XXYLT1: variants seen among roughly 807,000 people sequenced by gnomAD.
XXYLT1 encodes xyloside xylosyltransferase 1.
In XXYLT1, 20 loss-of-function variants were observed where a neutral mutation model predicts 28.9. That is an observed-to-expected ratio of 0.69 (90% confidence interval 0.49 to 1.00). XXYLT1 has a LOEUF of 1.00. Among genes scored for constraint, XXYLT1 ranks in the 50% least tolerant of loss-of-function variants. XXYLT1 has a pLI of 0.00. For synonymous variants in XXYLT1, 257 were observed against 253.8 expected (o/e 1.01, Z -0.12); for missense variants, 542 against 560.1 (o/e 0.97, Z 0.33).
At chr3:195,230,156 T>C (rs1398114872) in intron 1 of XXYLT1, among the ~76,000 whole-genome samples, 1 of 152,222 alleles carries the variant, frequency 6.6e-6, no homozygotes, top group Admixed American at 6.5e-5. Flanking sequence ...CCTTTTCATA[T>C]ACATGTTTGC....
intron 2 of XXYLT1, among the ~76,000 whole-genome samples, chr3:195,190,543 A>G (rs1357231746): frequency 2.0e-5 from 3 of 151,644 alleles, no homozygotes; most frequent in Admixed American, 2.0e-4. Context: ...TTCAGGCTGA[A>G]AGGAAATGAT....
intron 3 of XXYLT1, among the ~76,000 whole-genome samples, chr3:195,083,128 C>T (rs2108649998): frequency 6.6e-6 from 1 of 152,322 alleles, no homozygotes; most frequent in East Asian, 1.9e-4. Flanking sequence ...TCCTGAGTCA[C>T]TATATTCCTT....
At chr3:195,249,896 TCCA>T (rs1725185395) in intron 1 of XXYLT1, among the ~76,000 whole-genome samples, 1 of 152,034 alleles carries the variant, frequency 6.6e-6, no homozygotes, top group Admixed American at 6.6e-5. Flanking sequence ...CCAGAATCCC[TCCA>T]CCACCCACCA....
intron 3 of XXYLT1, among the ~76,000 whole-genome samples, chr3:195,154,463 A>C (rs1720451634): frequency 6.6e-6 from 1 of 152,142 alleles, no homozygotes; most frequent in Admixed American, 6.5e-5. Flanking sequence ...AGAGGAATGA[A>C]GATTAAGGGA....
intron 2 of XXYLT1, among the ~76,000 whole-genome samples, chr3:195,185,325 G>T (rs183690441): frequency 6.6e-6 from 1 of 152,214 alleles, no homozygotes; most frequent in East Asian, 1.9e-4. Context: ...GTGGTCATCT[G>T]ATTGCTGGAA....
chr3:195,263,199 T>C (rs1351533519), intron 1 of XXYLT1, among the ~76,000 whole-genome samples: 1 of 152,230 alleles, frequency 6.6e-6, no homozygotes, highest in Non-Finnish European at 1.5e-5. Flanking sequence ...GCTCTTGCAC[T>C]CAAAGAAACT....
At position 195,270,852 on chromosome 3, in the gene XXYLT1, G is replaced by C; in HGVS notation, c.207C>G (p.Pro69=). The change falls in exon 1 of 4, where the codon CCC becomes CCG. Residue 69 remains proline, a synonymous_variant. Transcript: ENST00000310380. ...CGGAGCCCCGCGCTAGCTCCAGCGC[G>C]GGCGGCGAGGGCGCGGCGGGAGCCC... ...RAGAPAAPSP[P]ALELARGSVA... is the part of the protein sequence containing the mutation. The C allele has an allele frequency of 1.4e-6, 2 of 1,410,526 alleles. No individual in the cohort carries two copies. The highest frequency in any genetic ancestry group is 9.2e-7 in the Non-Finnish European group (1 of 1,087,118). 87.4% of individuals were successfully genotyped at this position (1,410,526 alleles called of 1,614,324 possible). A position where few individuals can be genotyped will look rare whatever the true frequency, so the allele number is the denominator to read the frequency against.
intron 3 of XXYLT1, among the ~76,000 whole-genome samples, chr3:195,073,486 C>A (rs376606732): frequency 9.9e-5 from 15 of 152,192 alleles, no homozygotes; most frequent in African/African-American, 1.9e-4. Flanking sequence ...ACCCCTCCCC[C>A]CCTCATGCCC....
intron 3 of XXYLT1, among the ~76,000 whole-genome samples, chr3:195,138,914 A>G (rs1463900324): frequency 6.6e-6 from 1 of 151,474 alleles, no homozygotes; most frequent in Non-Finnish European, 1.5e-5. Context: ...CTAGAGAGAG[A>G]GCATCCTAGT....
At chr3:195,245,289 T>C (rs949166444) in intron 1 of XXYLT1, among the ~76,000 whole-genome samples, 6 of 150,674 alleles carry the variant, frequency 4.0e-5, no homozygotes, top group African/African-American at 1.2e-4. Flanking sequence ...GCCTCCTGAG[T>C]AGCTGGGATT....
At chr3:195,259,509 G>C in intron 1 of XXYLT1, 1 of 950,984 alleles carries the variant, frequency 1.1e-6, no homozygotes, top group Non-Finnish European at 1.3e-6. Flanking sequence ...TTCGGGCCCT[G>C]CCAGGCGGCC....
chr3:195,196,831 T>A (rs145450988), intron 2 of XXYLT1, among the ~76,000 whole-genome samples: 1 of 152,256 alleles, frequency 6.6e-6, no homozygotes, highest in East Asian at 1.9e-4. Flanking sequence ...CTATCAATGT[T>A]GGCTGAACAA....
At chr3:195,254,194 G>A (rs1275099225) in intron 1 of XXYLT1, among the ~76,000 whole-genome samples, 1 of 152,208 alleles carries the variant, frequency 6.6e-6, no homozygotes. Flanking sequence ...GGTTCTCCAG[G>A]GCCTCAGCCC....
chr3:195,136,271 T>C (rs910592171), intron 3 of XXYLT1, among the ~76,000 whole-genome samples: 7 of 152,210 alleles, frequency 4.6e-5, no homozygotes, highest in African/African-American at 7.2e-5. Context: ...AGTGCTCCTA[T>C]AGGTTTGAAT....
chr3:195,246,601 G>A lies in XXYLT1; in HGVS notation c.505-19745C>T, dbSNP rs545379955. Among the ~76,000 whole-genome samples the A allele has an allele frequency of 4.9e-4, 74 of 152,350 alleles. 1 individual carries two copies. In the South Asian group the frequency reaches 0.015, roughly 30 times the overall value. On this transcript the variant is annotated intron_variant, in intron 1 of 3. Transcript: ENST00000310380. ...GAAAAATGAGAGGAATGAGCAGTGA[G>A]CAGAGGCAGAGGGGGTGAGCCCCGG...
chr3:195,195,434 A>G lies in XXYLT1; in HGVS notation c.652+31275T>C, dbSNP rs145682601. Among the ~76,000 whole-genome samples, 2,324 of 152,294 alleles carry G rather than the reference A, an allele frequency of 0.015. 25 individuals carry two copies. Among genetic ancestry groups the G allele is most frequent in the Non-Finnish European group, 0.023 (1,544 of 68,018 alleles). On this transcript the variant is annotated intron_variant, in intron 2 of 3. Transcript: ENST00000310380. The surrounding 1 kb of genome is among the most constrained non-coding windows in gnomAD (Gnocchi z 4.4). ...CTTCCTCAGAGTCGCTCAGGCGCCT[A>G]AGACTGTTCCAGTCAGAAGTCCCAC...
chr3:195,116,223 C>T (rs559334429), intron 3 of XXYLT1, among the ~76,000 whole-genome samples: 1 of 152,326 alleles, frequency 6.6e-6, no homozygotes, highest in African/African-American at 2.4e-5. Flanking sequence ...TCTACTGACA[C>T]ATCTAAAACA....
At chr3:195,125,822 G>A (rs1276636291) in intron 3 of XXYLT1, among the ~76,000 whole-genome samples, 1 of 152,180 alleles carries the variant, frequency 6.6e-6, no homozygotes, top group East Asian at 1.9e-4. Flanking sequence ...AGAGACCTGC[G>A]TGAGGACAGT....
rs116872034 is a variant in XXYLT1, at chr3:195,145,087, G to A, written c.785+11362C>T. Reference sequence around the variant, plus strand: ...CTGTTCACTGCTACCCAAGTGAAGAGCTAGAATTATCCTGCTTTCTTTAGA... The same window carrying A: ...CTGTTCACTGCTACCCAAGTGAAGAACTAGAATTATCCTGCTTTCTTTAGA... On this transcript the variant is annotated intron_variant, in intron 3 of 3. Coordinates refer to ENST00000310380, the MANE Select transcript of XXYLT1 (RefSeq NM_152531.5). Among the ~76,000 whole-genome samples, 27 of 152,326 alleles carry A rather than the reference G, an allele frequency of 1.8e-4. No individual in the cohort carries two copies. The East Asian group carries it at 5.0e-3, about 28-fold the overall frequency.
Sources: allele counts gnomAD v4.1 joint callset (sites outside exome capture counted in the v4.1 genomes callset), GRCh38; gene constraint gnomAD v4.1.1; non-coding constraint Gnocchi (gnomAD v3.1); transcripts MANE v1.5; gene names NCBI Gene and HGNC (gene_info 2026-07-23, HGNC 2026-07-21).